Variants in VRK1 observed in about 807,000 individuals in gnomAD.
The protein encoded by VRK1 is serine/threonine-protein kinase VRK1.
Under a neutral mutation model 57.1 loss-of-function variants are expected in VRK1, and 33 were observed. The ratio of observed to expected loss-of-function variants is 0.58; its 90% CI spans 0.44 to 0.77. VRK1 has a LOEUF of 0.77. Among genes scored for constraint, VRK1 ranks in the 30% least tolerant of loss-of-function variants. The pLI is 0.00. For missense variants in VRK1, 413 were observed against 477.3 expected (o/e 0.87, Z 1.25); for synonymous variants, 137 against 147.8 (o/e 0.93, Z 0.53).
intron 10 of VRK1, 89 bp downstream of exon 10, chr14:96,856,675 A>T (rs1292461471): frequency 3.4e-6 from 4 of 1,190,976 alleles, no homozygotes; most frequent in Non-Finnish European, 4.9e-6. Flanking sequence ...TTAATGTAAG[A>T]TGTTAGGTGG....
At chr14:96,863,509 C>A (rs1184859425) in intron 11 of VRK1, among the ~76,000 whole-genome samples, 1 of 152,084 alleles carries the variant, frequency 6.6e-6, no homozygotes, top group Non-Finnish European at 1.5e-5. Context: ...CTTCCATGAA[C>A]TATTTTAGGG....
chr14:96,877,712 C>A, intron 12 of VRK1: 1 of 1,208,768 alleles, frequency 8.3e-7, no homozygotes, highest in Non-Finnish European at 1.1e-6. Flanking sequence ...CTCATTAAGT[C>A]TAAGGCAGAG....
chr14:96,860,865 T>C lies in VRK1; in HGVS notation c.1068+130T>C, dbSNP rs746662245. 10 of 892,020 alleles carry C rather than the reference T, an allele frequency of 1.1e-5. No individual in the cohort carries two copies. In the South Asian group the frequency reaches 1.2e-4, roughly 11 times the overall value. 55.3% of individuals were successfully genotyped at this position (892,020 alleles called of 1,614,324 possible). Reference sequence around the variant, plus strand: ...GCATGGCAATTAAGGCAAACATTTTTTGTAATACAGAAAATGTGTAGAGGG... The same window carrying C: ...GCATGGCAATTAAGGCAAACATTTTCTGTAATACAGAAAATGTGTAGAGGG... On this transcript the variant is annotated intron_variant, in intron 11 of 12. Coordinates refer to ENST00000216639, the MANE Select transcript of VRK1 (RefSeq NM_003384.3).
intron 12 of VRK1, 87 bp from the exon 13 acceptor site, chr14:96,881,090 A>G: frequency 8.8e-7 from 1 of 1,138,308 alleles, no homozygotes; most frequent in Non-Finnish European, 1.3e-6. Context: ...AATGTTAATA[A>G]CTATATTTAG....
intron 11 of VRK1, among the ~76,000 whole-genome samples, chr14:96,871,604 A>G (rs1888825244): frequency 6.6e-6 from 1 of 152,132 alleles, no homozygotes; most frequent in South Asian, 2.1e-4. Flanking sequence ...TGCTTTAACT[A>G]TTTTATAGTG....
In VRK1 at chr14:96,856,153, G is replaced by C. The variant is rs1200170208; in HGVS notation, c.733G>C (p.Glu245Gln). The change falls in exon 9 of 13, where the codon GAA becomes CAA. Residue 245 changes from glutamate (E) to glutamine (Q), a missense_variant. Around this residue, in one of 3 missense-constraint regions of VRK1, gnomAD observed 151 missense variants for 225.5 expected, o/e 0.67. Coordinates refer to ENST00000216639, the MANE Select transcript of VRK1 (RefSeq NM_003384.3). ...AGCCCCATCAAGACGTGGTGATTTGGAAATACTTGGTTATTGCATGATCCA... is the reference window on the plus strand; with the variant it reads ...AGCCCCATCAAGACGTGGTGATTTGCAAATACTTGGTTATTGCATGATCCA... Reference protein sequence around the residue: ...GVAPSRRGDLEILGYCMIQWL... With the variant: ...GVAPSRRGDLQILGYCMIQWL... 3.7e-6 allele frequency: 6 copies of C among 1,613,520 alleles called. No homozygotes were observed. Among genetic ancestry groups the C allele is most frequent in the Non-Finnish European group, 5.1e-6 (6 of 1,179,804 alleles).
chr14:96,876,094 CACAG>C lies in VRK1; in HGVS notation c.1139_1142del (p.Thr380ArgfsTer46). ...GTTGAAGATACGGAATGGTCAAACA[CACAG>C]ACAGAGGAGGCCATACAGACCCGTA... is the stretch of plus-strand genomic sequence containing the variant. On this transcript the variant is annotated frameshift_variant, in exon 12 of 13. Coordinates refer to ENST00000216639, the MANE Select transcript of VRK1 (RefSeq NM_003384.3). LOFTEE classifies it high-confidence loss of function. The C allele has an allele frequency of 6.2e-7, 1 of 1,613,638 alleles. No homozygotes were observed. The highest frequency in any genetic ancestry group is 8.5e-7 in the Non-Finnish European group (1 of 1,179,670).
Position 96,838,856 on chromosome 14 carries a change from C to G in VRK1, c.216+1039C>G, listed in dbSNP as rs191785542. 2.2e-3 allele frequency among the ~76,000 whole-genome samples: 331 copies of G among 152,032 alleles called. 3 individuals carry two copies. Among genetic ancestry groups the G allele is most frequent in the African/African-American group, 7.7e-3 (318 of 41,456 alleles). The stretch of plus-strand genomic sequence containing the variant: ...GAGTTAGGAGTCAGCTTTTTTGGAC[C>G]TTTTTAGTGATTTTTAAACTTTTTT... On this transcript the variant is annotated intron_variant, in intron 3 of 12. Coordinates refer to ENST00000216639, the MANE Select transcript of VRK1 (RefSeq NM_003384.3).
At chr14:96,811,692 T>C (rs969475721) in intron 1 of VRK1, among the ~76,000 whole-genome samples, 2 of 152,208 alleles carry the variant, frequency 1.3e-5, no homozygotes, top group Admixed American at 1.3e-4. Flanking sequence ...AAATATTTAG[T>C]TTAGTTTCCA....
At chr14:96,817,811 C>A (rs1404935081) in intron 1 of VRK1, among the ~76,000 whole-genome samples, 1 of 152,166 alleles carries the variant, frequency 6.6e-6, no homozygotes, top group East Asian at 1.9e-4. Context: ...TTCACAGTTT[C>A]TAATTTTAGA....
intron 1 of VRK1, among the ~76,000 whole-genome samples, chr14:96,828,827 TTATACCTGGC>T (rs1388430201): frequency 6.6e-6 from 1 of 152,218 alleles, no homozygotes; most frequent in African/African-American, 2.4e-5. Flanking sequence ...TTGGCCCTGC[TTATACCTGGC>T]TGAAGCAGGC....
intron 1 of VRK1, among the ~76,000 whole-genome samples, chr14:96,803,298 A>G (rs1156432059): frequency 6.6e-6 from 1 of 150,452 alleles, no homozygotes; most frequent in Non-Finnish European, 1.5e-5. Context: ...CAGCCTCCCT[A>G]GTAGCTGGGT....
At chr14:96,869,768 CTG>C (rs1439208317) in intron 11 of VRK1, among the ~76,000 whole-genome samples, 1 of 152,054 alleles carries the variant, frequency 6.6e-6, no homozygotes, top group Non-Finnish European at 1.5e-5. Flanking sequence ...CCAGAGAATT[CTG>C]TGTCTGCCAT....
chr14:96,832,434 C>T (rs1033616461), intron 1 of VRK1, among the ~76,000 whole-genome samples: 5 of 151,988 alleles, frequency 3.3e-5, no homozygotes, highest in African/African-American at 9.7e-5. Flanking sequence ...TTTATAGAAC[C>T]GAGAGTTTGA....
intron 11 of VRK1, among the ~76,000 whole-genome samples, chr14:96,871,600 A>G (rs1170074250): frequency 6.6e-6 from 1 of 152,196 alleles, no homozygotes; most frequent in Non-Finnish European, 1.5e-5. Flanking sequence ...CTTTTGCTTT[A>G]ACTATTTTAT....
chr14:96,807,599 T>G (rs1303978769), intron 1 of VRK1, among the ~76,000 whole-genome samples: 1 of 152,208 alleles, frequency 6.6e-6, no homozygotes, highest in East Asian at 1.9e-4. Flanking sequence ...GAATATCACC[T>G]TCCTTCTTCT....
chr14:96,816,175 C>T (rs140209898), intron 1 of VRK1, among the ~76,000 whole-genome samples: 229 of 152,212 alleles, frequency 1.5e-3, no homozygotes, highest in African/African-American at 5.2e-3. Flanking sequence ...AAATGAGCAG[C>T]CCCTGATGTT....
At chr14:96,873,249 CTTTA>C (rs1343111413) in intron 11 of VRK1, among the ~76,000 whole-genome samples, 4 of 152,100 alleles carry the variant, frequency 2.6e-5, no homozygotes, top group Non-Finnish European at 5.9e-5. Context: ...ATTAAAACAG[CTTTA>C]AGTCTACAGC....
chr14:96,802,324 T>C (rs1885695131), intron 1 of VRK1, among the ~76,000 whole-genome samples: 1 of 152,244 alleles, frequency 6.6e-6, no homozygotes, highest in Non-Finnish European at 1.5e-5. Flanking sequence ...GTAGAAGCCT[T>C]GTTTATAATA....
Sources: allele counts gnomAD v4.1 joint callset (sites outside exome capture counted in the v4.1 genomes callset), GRCh38; gene constraint gnomAD v4.1.1; regional missense constraint gnomAD v4.1.1; transcripts MANE v1.5; gene names NCBI Gene and HGNC (gene_info 2026-07-23, HGNC 2026-07-21).